RNF144B: variants seen among roughly 807,000 people sequenced by gnomAD.
RNF144B encodes the protein ring finger protein 144B.
A neutral mutation model predicts 40.2 loss-of-function variants in RNF144B; 25 were observed. The observed-to-expected ratio is 0.62, with a 90% confidence interval of 0.45 to 0.87. The LOEUF (loss-of-function observed/expected upper bound fraction) is 0.87. Among genes scored for constraint, RNF144B ranks in the 40% least tolerant of loss-of-function variants. The pLI is 0.00. For synonymous variants in RNF144B, 145 were observed against 136.3 expected (o/e 1.06, Z -0.44); for missense variants, 365 against 373.7 (o/e 0.98, Z 0.19).
chr6:18,402,269 A>G lies in RNF144B; in HGVS notation c.165+2570A>G, dbSNP rs1369921661. Among the ~76,000 whole-genome samples the G allele has an allele frequency of 2.3e-5, 2 of 87,658 alleles. 1 individual carries two copies. The highest frequency in any genetic ancestry group is 6.7e-5 in the African/African-American group (2 of 29,732). The allele number at this position is 87,658 out of a possible 152,430, so 57.5% of individuals were successfully genotyped here. ...TTTGGGCCTCTGATTTCTCCTGTGT[A>G]AAATGAAGGTGCTAGGATCCTTCAC... On this transcript the variant is annotated intron_variant, in intron 2 of 7. Transcript: ENST00000259939.
intron 1 of RNF144B, among the ~76,000 whole-genome samples, 164 bp from the exon 2 acceptor site, chr6:18,399,335 G>A (rs572122564): frequency 2.6e-5 from 4 of 152,286 alleles, no homozygotes; most frequent in Admixed American, 6.5e-5. Flanking sequence ...ATACCTTGCC[G>A]AGGTAGGTGA....
rs975305405 is a variant in RNF144B at position 18,444,643 on chromosome 6, A to G, written c.331+4899A>G. Among the ~76,000 whole-genome samples, 3 of 152,136 alleles carry G rather than the reference A, an allele frequency of 2.0e-5. No homozygotes were observed. Among genetic ancestry groups the G allele is most frequent in the African/African-American group, 7.2e-5 (3 of 41,428 alleles). On this transcript the variant is annotated intron_variant, in intron 4 of 7. Coordinates refer to ENST00000259939, the MANE Select transcript of RNF144B (RefSeq NM_182757.4). This position sits in a 1 kb window ranked among gnomAD's most constrained non-coding sequence, Gnocchi z 4.3. ...TATAGCAGTTTAAGAACTCTTACAG[A>G]AGGGTTGTGTCATATTGTTCTCCTT...
At chr6:18,413,058 C>T (rs776472194) in intron 2 of RNF144B, among the ~76,000 whole-genome samples, 1 of 152,130 alleles carries the variant, frequency 6.6e-6, no homozygotes, top group Non-Finnish European at 1.5e-5. Context: ...TTTACTCTTC[C>T]AGTTTACAGA....
chr6:18,404,912 C>T (rs1036310806), intron 2 of RNF144B, among the ~76,000 whole-genome samples: 4 of 152,084 alleles, frequency 2.6e-5, no homozygotes, highest in Middle Eastern at 3.4e-3. Flanking sequence ...TCTCTGGAAC[C>T]ACAAGAAATA....
At chr6:18,401,064 C>T (rs565720356) in intron 2 of RNF144B, among the ~76,000 whole-genome samples, 2 of 152,288 alleles carry the variant, frequency 1.3e-5, no homozygotes, top group Admixed American at 6.5e-5. Flanking sequence ...CTTGCTAATC[C>T]TTGAAACAAA....
chr6:18,390,670 C>G (rs550302859), intron 1 of RNF144B, among the ~76,000 whole-genome samples: 38 of 152,314 alleles, frequency 2.5e-4, no homozygotes, highest in Admixed American at 7.8e-4. Flanking sequence ...TCAACTTGTT[C>G]TTTGTTTTTC....
rs1326070702 is a variant in RNF144B, at chr6:18,456,782, C to A, written c.332-373C>A. ...AGTTTAAAAAAGAGGGTAAATGGGG[C>A]AGGTGTGGTGGCTCATGCCTGTAAA... On this transcript the variant is annotated intron_variant, in intron 4 of 7. Transcript: ENST00000259939. This position sits in a 1 kb window ranked among gnomAD's most constrained non-coding sequence, Gnocchi z 4.7. Among the ~76,000 whole-genome samples the A allele has an allele frequency of 6.6e-6, 1 of 152,050 alleles. No individual in the cohort carries two copies. Among genetic ancestry groups the A allele is most frequent in the African/African-American group, 2.4e-5 (1 of 41,406 alleles).
intron 3 of RNF144B, among the ~76,000 whole-genome samples, chr6:18,435,725 A>T (rs779595102): frequency 2.0e-5 from 3 of 152,098 alleles, no homozygotes; most frequent in Non-Finnish European, 4.4e-5. Context: ...CTTTGTAGGG[A>T]CATGGATGAA....
chr6:18,390,329 A>G (rs963266930), intron 1 of RNF144B, among the ~76,000 whole-genome samples: 1 of 152,146 alleles, frequency 6.6e-6, no homozygotes, highest in Admixed American at 6.5e-5. Context: ...AGTTTTATTA[A>G]CTTTGGCATT....
Position 18,387,355 on chromosome 6 carries a change from G to T in RNF144B, c.-312G>T. 8.7e-7 allele frequency: 1 copy of T among 1,151,864 alleles called. No individual in the cohort carries two copies. Among genetic ancestry groups the T allele is most frequent in the Non-Finnish European group, 1.1e-6 (1 of 920,996 alleles). 71.4% of individuals were successfully genotyped at this position (1,151,864 alleles called of 1,614,324 possible). A position where few individuals can be genotyped will look rare whatever the true frequency, so the allele number is the denominator to read the frequency against. On this transcript the variant is annotated 5_prime_UTR_variant, in exon 1 of 8. Transcript: ENST00000259939. ...GCGCTGCTACCGCTGCTGGCGAGCT[G>T]TGCCCCACGCTCCCGCTGCAACAGT...
intron 6 of RNF144B, among the ~76,000 whole-genome samples, chr6:18,461,470 G>T (rs1184180287): frequency 1.3e-5 from 2 of 152,158 alleles, no homozygotes; most frequent in Non-Finnish European, 2.9e-5. Context: ...CAAGGAGGCT[G>T]AGCCCATGAG....
In RNF144B at chr6:18,450,786, G is replaced by A. The variant is rs1759193496; in HGVS notation, c.332-6369G>A. On this transcript the variant is annotated intron_variant, in intron 4 of 7. Transcript: ENST00000259939. The surrounding 1 kb of genome is among the most constrained non-coding windows in gnomAD (Gnocchi z 4.7). ...GACAGAATCTTAATTCTAATATCCAGAAAAAGTCTGTTCTCTCTTCTACAG... is the reference window on the plus strand; with the variant it reads ...GACAGAATCTTAATTCTAATATCCAAAAAAAGTCTGTTCTCTCTTCTACAG... Among the ~76,000 whole-genome samples, 1 of 152,168 alleles carries A rather than the reference G, an allele frequency of 6.6e-6. No homozygotes were observed. Among genetic ancestry groups the A allele is most frequent in the Admixed American group, 6.5e-5 (1 of 15,272 alleles).
chr6:18,412,732 G>T lies in RNF144B; in HGVS notation c.165+13033G>T, dbSNP rs561661170. Among the ~76,000 whole-genome samples, 1 of 152,256 alleles carries T rather than the reference G, an allele frequency of 6.6e-6. No homozygotes were observed. The highest frequency in any genetic ancestry group is 2.1e-4 in the South Asian group (1 of 4,826). On this transcript the variant is annotated intron_variant, in intron 2 of 7. Coordinates refer to ENST00000259939, the MANE Select transcript of RNF144B (RefSeq NM_182757.4). The surrounding 1 kb of genome is among the most constrained non-coding windows in gnomAD (Gnocchi z 4.2). Reference sequence around the variant, plus strand: ...TGGTTATATAAGGCTTATCTATGTGGATTCCAGATATGCAGTGTACCCCTT... The same window carrying T: ...TGGTTATATAAGGCTTATCTATGTGTATTCCAGATATGCAGTGTACCCCTT...
At position 18,463,453 on chromosome 6, in the gene RNF144B, T is replaced by C; in HGVS notation, c.771+73T>C. ...CTTAAAGAGCCCACCTCTTCGCCTTTCCTCATTATTCCCTCCTGGGAGGTA... is the reference window on the plus strand; with the variant it reads ...CTTAAAGAGCCCACCTCTTCGCCTTCCCTCATTATTCCCTCCTGGGAGGTA... On this transcript the variant is annotated intron_variant, in intron 7 of 7. Coordinates refer to ENST00000259939, the MANE Select transcript of RNF144B (RefSeq NM_182757.4). The C allele has an allele frequency of 1.2e-5, 10 of 864,316 alleles. No homozygotes were observed. In the South Asian group the frequency reaches 1.4e-4, roughly 12 times the overall value. 53.5% of individuals were successfully genotyped at this position (864,316 alleles called of 1,614,324 possible). A position where few individuals can be genotyped will look rare whatever the true frequency, so the allele number is the denominator to read the frequency against.
chr6:18,436,451 A>G (rs993812482), intron 3 of RNF144B, among the ~76,000 whole-genome samples: 6 of 152,336 alleles, frequency 3.9e-5, no homozygotes, highest in South Asian at 2.1e-4. Context: ...CATTATTTCA[A>G]TACTATGATT....
intron 2 of RNF144B, among the ~76,000 whole-genome samples, chr6:18,424,937 C>T (rs1758511933): frequency 6.6e-6 from 1 of 152,138 alleles, no homozygotes; most frequent in African/African-American, 2.4e-5. Flanking sequence ...CCCACAAAGT[C>T]TTTGATGGAA....
chr6:18,410,018 A>C lies in RNF144B; in HGVS notation c.165+10319A>C, dbSNP rs1171220433. On this transcript the variant is annotated intron_variant, in intron 2 of 7. Coordinates refer to ENST00000259939, the MANE Select transcript of RNF144B (RefSeq NM_182757.4). This position sits in a 1 kb window ranked among gnomAD's most constrained non-coding sequence, Gnocchi z 4.6. ...AGATAGTTTGGTGATCTGTGCTTGTATGTTGTGTAGACTTTTCCCCCCTTA... is the reference window on the plus strand; with the variant it reads ...AGATAGTTTGGTGATCTGTGCTTGTCTGTTGTGTAGACTTTTCCCCCCTTA... 2.0e-5 allele frequency among the ~76,000 whole-genome samples: 3 copies of C among 152,184 alleles called. No individual in the cohort carries two copies. Among genetic ancestry groups the C allele is most frequent in the African/African-American group, 7.2e-5 (3 of 41,438 alleles).
rs1303585433 is a variant in RNF144B at position 18,410,353 on chromosome 6, A to T, written c.165+10654A>T. On this transcript the variant is annotated intron_variant, in intron 2 of 7. Coordinates refer to ENST00000259939, the MANE Select transcript of RNF144B (RefSeq NM_182757.4). The surrounding 1 kb of genome is among the most constrained non-coding windows in gnomAD (Gnocchi z 4.6). ...ATCAGACACAACCAGCCCTGCTGTT[A>T]TGTGGGCAGTAGACCCTCTGATAAA... 6.6e-6 allele frequency among the ~76,000 whole-genome samples: 1 copy of T among 152,202 alleles called. No homozygotes were observed. Among genetic ancestry groups the T allele is most frequent in the Non-Finnish European group, 1.5e-5 (1 of 68,038 alleles).
intron 1 of RNF144B, 29 bp from the exon 2 acceptor site, chr6:18,399,467 TATA>T: frequency 2.7e-6 from 4 of 1,461,204 alleles, no homozygotes; most frequent in Non-Finnish European, 2.8e-6. Flanking sequence ...TATCAATCCA[TATA>T]ATATTTTCTG....
Sources: gnomAD v4.1 joint callset for allele counts (sites outside exome capture counted in the v4.1 genomes callset) on GRCh38, gnomAD v4.1.1 for gene constraint, Gnocchi (gnomAD v3.1) non-coding constraint, MANE v1.5 for transcripts, NCBI Gene and HGNC (gene_info 2026-07-23, HGNC 2026-07-21) for gene names.